Variants in VWCE observed in about 807,000 individuals in gnomAD.
The protein encoded by VWCE is von Willebrand factor C and EGF domains.
Under a neutral mutation model 102.9 loss-of-function variants are expected in VWCE, and 68 were observed. That is an observed-to-expected ratio of 0.66 (90% CI 0.54 to 0.81). The LOEUF (loss-of-function observed/expected upper bound fraction) is 0.81. Among genes scored for constraint, VWCE ranks in the 30% least tolerant of loss-of-function variants. The pLI is 0.00. For missense variants in VWCE, 1,137 were observed against 1,263.6 expected (o/e 0.90, Z 1.52); for synonymous variants, 497 against 515.4 (o/e 0.96, Z 0.48).
chr11:61,277,276 C>A (rs1198329049), intron 10 of VWCE, among the ~76,000 whole-genome samples: 1 of 151,978 alleles, frequency 6.6e-6, no homozygotes, highest in Non-Finnish European at 1.5e-5. Context: ...TGATTTCACA[C>A]TGCAGCATCC....
At chr11:61,282,059 TCAGA>T in intron 6 of VWCE, 145 bp from the exon 7 acceptor site, 2 of 1,303,290 alleles carry the variant, frequency 1.5e-6, no homozygotes, top group Admixed American at 5.8e-5. Context: ...GGGATGTGAC[TCAGA>T]CAGCTGGGAG....
At chr11:61,274,216 C>A (rs1051748311) in intron 12 of VWCE, among the ~76,000 whole-genome samples, 1 of 152,144 alleles carries the variant, frequency 6.6e-6, no homozygotes, top group Non-Finnish European at 1.5e-5. Context: ...GGCCATCAAC[C>A]CACCTAGGCA....
In VWCE at chr11:61,295,089, G is replaced by A; in HGVS notation, c.-52C>T. 3 of 1,160,278 alleles carry A rather than the reference G, an allele frequency of 2.6e-6. No individual in the cohort carries two copies. Among genetic ancestry groups the A allele is most frequent in the Middle Eastern group, 3.2e-4 (1 of 3,116 alleles). The allele number at this position is 1,160,278 out of a possible 1,614,324, so 71.9% of individuals were successfully genotyped here. On this transcript the variant is annotated 5_prime_UTR_variant, in exon 1 of 20. Transcript: ENST00000335613. This position sits in a 1 kb window ranked among gnomAD's most constrained non-coding sequence, Gnocchi z 4.6. ...TGGGCTCGGCTCCTGCGCCGCGCGCGGGAGAGGGGGCTGCCGGCCCTCGCC... is the reference window on the plus strand; with the variant it reads ...TGGGCTCGGCTCCTGCGCCGCGCGCAGGAGAGGGGGCTGCCGGCCCTCGCC...
intron 10 of VWCE, 27 bp from the exon 11 acceptor site, chr11:61,276,707 G>C: frequency 1.3e-6 from 2 of 1,562,204 alleles, no homozygotes; most frequent in Non-Finnish European, 1.7e-6. Context: ...AGAGGGCACT[G>C]GGGGTGCGGG....
At chr11:61,264,290 A>T (rs1854444244) in intron 19 of VWCE, among the ~76,000 whole-genome samples, 197 bp downstream of exon 19, 1 of 151,596 alleles carries the variant, frequency 6.6e-6, no homozygotes, top group Admixed American at 6.6e-5. Context: ...ATAAACAGAC[A>T]TCATGGTGTG....
intron 15 of VWCE, among the ~76,000 whole-genome samples, chr11:61,267,854 C>T (rs1034548233): frequency 5.3e-5 from 8 of 151,976 alleles, no homozygotes; most frequent in African/African-American, 1.2e-4. Context: ...CTGGGAAATA[C>T]GAGGTGTGTG....
rs1854252832 is a variant in VWCE at position 61,258,588 on chromosome 11, C to G, written c.*87G>C. ...CAGGAGGGAGCCCAGGCATCCCCACCAGGTTCATCCTTGGAGCTGCCCTGC... is the reference window on the plus strand; with the variant it reads ...CAGGAGGGAGCCCAGGCATCCCCACGAGGTTCATCCTTGGAGCTGCCCTGC... On this transcript the variant is annotated 3_prime_UTR_variant, in exon 20 of 20. Coordinates refer to ENST00000335613, the MANE Select transcript of VWCE (RefSeq NM_152718.2). 1 of 1,275,616 alleles carries G rather than the reference C, an allele frequency of 7.8e-7. No individual in the cohort carries two copies. Among genetic ancestry groups the G allele is most frequent in the South Asian group, 3.4e-5 (1 of 29,442 alleles). 79.0% of individuals were successfully genotyped at this position (1,275,616 alleles called of 1,614,324 possible).
In VWCE at chr11:61,286,432, T is replaced by C; in HGVS notation, c.425-2A>G. On this transcript the variant is annotated splice_acceptor_variant, in intron 4 of 19. Coordinates refer to ENST00000335613, the MANE Select transcript of VWCE (RefSeq NM_152718.2). LOFTEE classifies it high-confidence loss of function. ...AGGAGGTTACACATTCGTCAATGTCTGGAAAGACAGAAAGCACGTGTTTAC... is the reference window on the plus strand; with the variant it reads ...AGGAGGTTACACATTCGTCAATGTCCGGAAAGACAGAAAGCACGTGTTTAC... The C allele has an allele frequency of 6.2e-7, 1 of 1,610,920 alleles. No individual in the cohort carries two copies. Among genetic ancestry groups the C allele is most frequent in the Non-Finnish European group, 8.5e-7 (1 of 1,179,510 alleles).
chr11:61,263,957 GGC>G (rs1364315272), intron 19 of VWCE, among the ~76,000 whole-genome samples: 1 of 152,034 alleles, frequency 6.6e-6, no homozygotes, highest in Non-Finnish European at 1.5e-5. Flanking sequence ...CGGGCGCAGT[GGC>G]TCACGCCTGT....
Position 61,271,719 on chromosome 11 carries a change from G to C in VWCE, c.1741C>G (p.Gln581Glu). The C allele has an allele frequency of 6.2e-7, 1 of 1,613,696 alleles. No homozygotes were observed. The highest frequency in any genetic ancestry group is 1.1e-5 in the South Asian group (1 of 90,968). The change falls in exon 14 of 20, where the codon CAG becomes GAG. Residue 581 changes from glutamine (Q) to glutamate (E), a missense_variant. Gln to Glu is a conservative substitution (Grantham distance 29). Coordinates refer to ENST00000335613, the MANE Select transcript of VWCE (RefSeq NM_152718.2). ...DDNGVEFPIG[Q>E]IWSPGDPCEL... ...CAGGGGTCACCAGGCGACCAGATCT[G>C]TCCAATCGGAAACTCAACCCCGTTG...
At chr11:61,286,593 G>A (rs182645736) in intron 4 of VWCE, among the ~76,000 whole-genome samples, 163 bp from the exon 5 acceptor site, 13 of 152,110 alleles carry the variant, frequency 8.5e-5, no homozygotes, top group East Asian at 1.9e-4. Context: ...ACCAGAGGTC[G>A]GAGTTCAAGA....
chr11:61,281,717 G>A, intron 7 of VWCE, 69 bp downstream of exon 7: 2 of 1,532,280 alleles, frequency 1.3e-6, no homozygotes, highest in Non-Finnish European at 8.8e-7. Flanking sequence ...CAGGCTATGG[G>A]GGGGCGTAGC....
At position 61,286,925 on chromosome 11, in the gene VWCE, G is replaced by A. The variant is rs529786782; in HGVS notation, c.425-495C>T. On this transcript the variant is annotated intron_variant, in intron 4 of 19. Transcript: ENST00000335613. ...ATCCTGGCTAACATGGTGAAACCCC[G>A]TCTCTACTAAAAATACAAAAAATTA... Among the ~76,000 whole-genome samples, 535 of 151,748 alleles carry A rather than the reference G, an allele frequency of 3.5e-3. 5 individuals are homozygous for A. Among genetic ancestry groups the A allele is most frequent in the African/African-American group, 0.012 (516 of 41,372 alleles).
intron 13 of VWCE, 139 bp downstream of exon 13, chr11:61,273,056 TCACA>T: frequency 1.3e-6 from 1 of 778,656 alleles, no homozygotes; most frequent in Admixed American, 2.3e-5. Context: ...ACACAAAAAC[TCACA>T]CTCATACACA....
chr11:61,283,315 G>A (rs1851560324), intron 5 of VWCE, among the ~76,000 whole-genome samples: 1 of 152,126 alleles, frequency 6.6e-6, no homozygotes. Flanking sequence ...CAGCAATGCC[G>A]CCCCATAGCT....
chr11:61,276,508 C>T (rs1410306696), intron 11 of VWCE, 85 bp downstream of exon 11: 28 of 1,060,926 alleles, frequency 2.6e-5, no homozygotes, highest in South Asian at 5.2e-5. Flanking sequence ...ACCTGAGGCT[C>T]AACACCAGCC....
At chr11:61,272,599 G>C (rs914089523) in intron 13 of VWCE, among the ~76,000 whole-genome samples, 2 of 151,262 alleles carry the variant, frequency 1.3e-5, no homozygotes, top group Non-Finnish European at 2.9e-5. Flanking sequence ...CACACACACA[G>C]GCACATACTA....
chr11:61,290,641 C>A (rs1420726319), intron 4 of VWCE, among the ~76,000 whole-genome samples, 158 bp downstream of exon 4: 1 of 152,040 alleles, frequency 6.6e-6, no homozygotes, highest in Non-Finnish European at 1.5e-5. Context: ...TGACACATTT[C>A]TTTTGTTCTC....
rs5792221 is a variant in VWCE, at chr11:61,269,917, A to AT, written c.1786-900dup. 8.8e-3 allele frequency among the ~76,000 whole-genome samples: 1,125 copies of AT among 128,498 alleles called. 12 individuals are homozygous for AT. The highest frequency in any genetic ancestry group is 0.011 in the Non-Finnish European group (646 of 59,370). 84.3% of individuals were successfully genotyped at this position (128,498 alleles called of 152,430 possible). On this transcript the variant is annotated intron_variant, in intron 14 of 19. Transcript: ENST00000335613. ...CAATGAGACGTGTTCAGCTTACAGC[A>AT]TTTTTTTTTTTTTTTTTTGAGACGG...
Sources: allele counts gnomAD v4.1 joint callset (sites outside exome capture counted in the v4.1 genomes callset), GRCh38; gene constraint gnomAD v4.1.1; non-coding constraint Gnocchi (gnomAD v3.1); transcripts MANE v1.5; gene names NCBI Gene and HGNC (gene_info 2026-07-23, HGNC 2026-07-21).